The following KLRC2 variants were observed in gnomAD, a reference collection of about 807,000 sequenced individuals.
The protein encoded by KLRC2 is NKG2-C type II integral membrane protein.
In KLRC2, 10 loss-of-function variants were observed where a neutral mutation model predicts 25.5. The ratio of observed to expected loss-of-function variants is 0.39; its 90% CI spans 0.24 to 0.67. KLRC2 has a LOEUF of 0.67. KLRC2 is among the 30% of genes least tolerant of loss of function. The pLI is 0.45. For missense variants in KLRC2, 170 were observed against 272.8 expected (o/e 0.62, Z 2.65); for synonymous variants, 48 against 93.3 (o/e 0.51, Z 2.80).
chr12:10,435,569 A>G lies in KLRC2; in HGVS notation c.188-159T>C, dbSNP rs553822667. ...CATCTACTCTAGTAATCTTTCTCTC[A>G]GAATATACCATTTCATTTTCAGTAA... On this transcript the variant is annotated intron_variant, in intron 1 of 5. Coordinates refer to ENST00000381902, the MANE Select transcript of KLRC2 (RefSeq NM_002260.4). Among the ~76,000 whole-genome samples the G allele has an allele frequency of 1.9e-4, 27 of 145,402 alleles. No homozygotes were observed. The South Asian group carries it at 5.8e-3, about 31-fold the overall frequency.
intron 4 of KLRC2, 51 bp downstream of exon 4, chr12:10,433,740 T>C: frequency 1.3e-6 from 2 of 1,490,516 alleles, no homozygotes; most frequent in Non-Finnish European, 1.8e-6. Context: ...ACAAATGTAT[T>C]ATTCACTGAA....
At chr12:10,434,293 T>C (rs1244698499) in intron 3 of KLRC2, 193 bp downstream of exon 3, 1 of 587,670 alleles carries the variant, frequency 1.7e-6, no homozygotes, top group Non-Finnish European at 3.2e-6. Context: ...AGAAAGAGGG[T>C]AGAATGATTT....
In KLRC2 at chr12:10,434,997, T is replaced by C. The variant is rs1863854894; in HGVS notation, c.286+315A>G. On this transcript the variant is annotated intron_variant, in intron 2 of 5. Coordinates refer to ENST00000381902, the MANE Select transcript of KLRC2 (RefSeq NM_002260.4). ...GAACTTTGAAAATAAAAATGTACTT[T>C]TCTGGGTTCTTGTATTTGGGGAAGA... is the stretch of plus-strand genomic sequence containing the variant. 7.1e-6 allele frequency: 7 copies of C among 991,358 alleles called. 1 individual carries two copies. Among genetic ancestry groups the C allele is most frequent in the Non-Finnish European group, 9.6e-6 (7 of 732,074 alleles). 61.4% of individuals were successfully genotyped at this position (991,358 alleles called of 1,614,324 possible). A position where few individuals can be genotyped will look rare whatever the true frequency, so the allele number is the denominator to read the frequency against.
Position 10,430,713 on chromosome 12 carries a change from C to A in KLRC2, c.*404G>T. The A allele has an allele frequency of 6.3e-6, 1 of 159,884 alleles. No homozygotes were observed. The highest frequency in any genetic ancestry group is 1.3e-5 in the Non-Finnish European group (1 of 75,448). The allele number at this position is 159,884 out of a possible 1,614,324, so 9.9% of individuals were successfully genotyped here. A position where few individuals can be genotyped will look rare whatever the true frequency, so the allele number is the denominator to read the frequency against. Reference sequence around the variant, plus strand: ...TATATTCGCAGAGTTACAACCATCACCACTACTGAAATTTAGAAAGTTTTC... The same window carrying A: ...TATATTCGCAGAGTTACAACCATCAACACTACTGAAATTTAGAAAGTTTTC... On this transcript the variant is annotated 3_prime_UTR_variant, in exon 6 of 6. Coordinates refer to ENST00000381902, the MANE Select transcript of KLRC2 (RefSeq NM_002260.4).
Position 10,433,834 on chromosome 12 carries a change from G to A in KLRC2, c.440C>T (p.Ser147Leu), listed in dbSNP as rs562207630. 9 of 1,549,888 alleles carry A rather than the reference G, an allele frequency of 5.8e-6. 2 individuals are homozygous for A. The East Asian group carries it at 7.1e-5, about 12-fold the overall frequency. Reference protein sequence around the residue: ...TWEESLLACTSKNSSLLSIDN... With the variant: ...TWEESLLACTLKNSSLLSIDN... The stretch of plus-strand genomic sequence containing the variant: ...TATAGAAAGCAGACTGGAGTTCTTC[G>A]AAGTACAGGCCAGCAAACTCTCTTC... Residue 147 changes from serine (S) to leucine (L), a missense_variant, in exon 4 of 6, where the codon TCG becomes TTG. By Grantham distance (145) the Ser-to-Leu change is moderately radical. Around this residue, in one of 3 missense-constraint regions of KLRC2, gnomAD observed 129 missense variants for 150.2 expected, o/e 0.86. Transcript: ENST00000381902.
At chr12:10,432,670 G>A (rs1283229021) in intron 4 of KLRC2, among the ~76,000 whole-genome samples, 1 of 136,114 alleles carries the variant, frequency 7.3e-6, no homozygotes, top group African/African-American at 2.8e-5. Context: ...CGGTTTTTGC[G>A]GAATAACAGG....
chr12:10,433,402 G>A (rs1465520428), intron 4 of KLRC2, among the ~76,000 whole-genome samples: 1 of 141,370 alleles, frequency 7.1e-6, no homozygotes, highest in Non-Finnish European at 1.5e-5. Context: ...AGAGGAGTCA[G>A]GATAAGTGAT....
In KLRC2 at chr12:10,432,195, G is replaced by A. The variant is rs1219526789; in HGVS notation, c.495C>T (p.Ala165=). Reference sequence around the variant, plus strand: ...CAATCCATGAGGAAGGTAAAATGCTGGCCAGAAATTTCTAAAAGAAAAGAA... The same window carrying A: ...CAATCCATGAGGAAGGTAAAATGCTAGCCAGAAATTTCTAAAAGAAAAGAA... ...IDNEEEMKFL[A]SILPSSWIGV... is the part of the protein sequence containing the mutation. Residue 165 remains alanine, a synonymous_variant, in exon 5 of 6, where the codon GCC becomes GCT. Coordinates refer to ENST00000381902, the MANE Select transcript of KLRC2 (RefSeq NM_002260.4). 3 of 1,428,576 alleles carry A rather than the reference G, an allele frequency of 2.1e-6. No homozygotes were observed. Among genetic ancestry groups the A allele is most frequent in the Non-Finnish European group, 2.8e-6 (3 of 1,057,508 alleles). 88.5% of individuals were successfully genotyped at this position (1,428,576 alleles called of 1,614,324 possible).
At chr12:10,434,419 AC>A in intron 3 of KLRC2, 66 bp downstream of exon 3, 2 of 1,348,800 alleles carry the variant, frequency 1.5e-6, no homozygotes, top group Non-Finnish European at 2.1e-6. Flanking sequence ...CTATTCTTTT[AC>A]ATGCCTTAAA....
rs1348402200 is a variant in KLRC2, at chr12:10,431,693, C to T, written c.584+413G>A. 4.2e-5 allele frequency among the ~76,000 whole-genome samples: 6 copies of T among 142,144 alleles called. 1 individual carries two copies. Among genetic ancestry groups the T allele is most frequent in the East Asian group, 4.2e-4 (2 of 4,776 alleles). 93.3% of individuals were successfully genotyped at this position (142,144 alleles called of 152,430 possible). A position where few individuals can be genotyped will look rare whatever the true frequency, so the allele number is the denominator to read the frequency against. On this transcript the variant is annotated intron_variant, in intron 5 of 5. Coordinates refer to ENST00000381902, the MANE Select transcript of KLRC2 (RefSeq NM_002260.4). ...TAGTCCAGCTCGAGGTTGTCCAACT[C>T]GCTGCCCATGGGCCGCACGTGACCC...
intron 5 of KLRC2, 79 bp downstream of exon 5, chr12:10,432,027 A>C: frequency 1.8e-6 from 2 of 1,125,316 alleles, no homozygotes; most frequent in Admixed American, 4.9e-5. Flanking sequence ...CAATGATTCC[A>C]CATAAATTTA....
Position 10,431,957 on chromosome 12 carries a change from T to C in KLRC2, c.584+149A>G, listed in dbSNP as rs1591606112. 49 of 729,342 alleles carry C rather than the reference T, an allele frequency of 6.7e-5. 3 individuals are homozygous for C. The Middle Eastern group carries it at 1.8e-3, about 27-fold the overall frequency. 45.2% of individuals were successfully genotyped at this position (729,342 alleles called of 1,614,324 possible). A position where few individuals can be genotyped will look rare whatever the true frequency, so the allele number is the denominator to read the frequency against. On this transcript the variant is annotated intron_variant, in intron 5 of 5. Coordinates refer to ENST00000381902, the MANE Select transcript of KLRC2 (RefSeq NM_002260.4). ...AGCGGTTGAAATATATGGACTACTA[T>C]GGTCTATTGTAAAATATTTATATCA... is the stretch of plus-strand genomic sequence containing the variant.
chr12:10,431,151 G>C lies in KLRC2; in HGVS notation c.662C>G (p.Ser221Cys), dbSNP rs375212295. 4 of 1,544,888 alleles carry C rather than the reference G, an allele frequency of 2.6e-6. No homozygotes were observed. The highest frequency in any genetic ancestry group is 2.7e-6 in the Non-Finnish European group (3 of 1,131,602). The change falls in exon 6 of 6, where the codon TCT (serine) becomes TGT (cysteine). Residue 221 changes from serine (S) to cysteine (C), a missense_variant. Physicochemically the swap from Ser to Cys is moderately radical, Grantham distance 112. This residue lies in a region of KLRC2 where 129 missense variants were observed against 150.2 expected (regional missense o/e 0.86). Transcript: ENST00000381902. ...VNRLKSAQCG[S>C]SMIYHCKHKL ...ATGCTTACAATGATATATCATTGAA[G>C]ATCCACACTGGGCTGATTTAAGTCG...
intron 3 of KLRC2, chr12:10,434,147 A>G: frequency 1.1e-6 from 1 of 898,848 alleles, no homozygotes; most frequent in Non-Finnish European, 1.7e-6. Flanking sequence ...TTGTGTTCCC[A>G]TATAAAGCAA....
Position 10,434,091 on chromosome 12 carries a change from C to T in KLRC2, c.332-149G>A, listed in dbSNP as rs1214643310. The T allele has an allele frequency of 3.3e-6, 4 of 1,213,086 alleles. No individual in the cohort carries two copies. In the Admixed American group the frequency reaches 7.5e-5, roughly 23 times the overall value. 75.1% of individuals were successfully genotyped at this position (1,213,086 alleles called of 1,614,324 possible). A position where few individuals can be genotyped will look rare whatever the true frequency, so the allele number is the denominator to read the frequency against. ...AAATGTATATTTTTAATAACTGAGTCAGTCATACACACATGCACAGACAAG... is the reference window on the plus strand; with the variant it reads ...AAATGTATATTTTTAATAACTGAGTTAGTCATACACACATGCACAGACAAG... On this transcript the variant is annotated intron_variant, in intron 3 of 5. Transcript: ENST00000381902.
intron 3 of KLRC2, 29 bp from the exon 4 acceptor site, chr12:10,433,971 C>T (rs1310524329): frequency 1.3e-6 from 2 of 1,526,744 alleles, no homozygotes; most frequent in African/African-American, 3.0e-5. Flanking sequence ...ACTATCTAGA[C>T]CAATATGAAT....
At chr12:10,433,484 A>G (rs1409471671) in intron 4 of KLRC2, among the ~76,000 whole-genome samples, 1 of 142,148 alleles carries the variant, frequency 7.0e-6, no homozygotes, top group Non-Finnish European at 1.5e-5. Flanking sequence ...TATCACATGC[A>G]TTCATTCACT....
chr12:10,434,834 TTGTG>T (rs1389541603), intron 2 of KLRC2, among the ~76,000 whole-genome samples: 20 of 151,670 alleles, frequency 1.3e-4, no homozygotes, highest in South Asian at 8.3e-4. Flanking sequence ...GAAAATATCT[TTGTG>T]TGTGTATGTA....
rs572590897 is a variant in KLRC2, at chr12:10,432,103, T to C, written c.584+3A>G. 6.6e-7 allele frequency: 1 copy of C among 1,526,176 alleles called. No homozygotes were observed. The highest frequency in any genetic ancestry group is 2.4e-5 in the East Asian group (1 of 41,638). The allele number at this position is 1,526,176 out of a possible 1,614,324, so 94.5% of individuals were successfully genotyped here. On this transcript the variant is annotated splice_donor_region_variant and intron_variant, in intron 5 of 5. Coordinates refer to ENST00000381902, the MANE Select transcript of KLRC2 (RefSeq NM_002260.4). Reference sequence around the variant, plus strand: ...TTATATAGCGCCATACAAAAGAACTTACTTATGTTTGAAAGCCAAACCATT... The same window carrying C: ...TTATATAGCGCCATACAAAAGAACTCACTTATGTTTGAAAGCCAAACCATT...
Sources: allele counts gnomAD v4.1 joint callset (sites outside exome capture counted in the v4.1 genomes callset), GRCh38; gene constraint gnomAD v4.1.1; regional missense constraint gnomAD v4.1.1; transcripts MANE v1.5; gene names NCBI Gene and HGNC (gene_info 2026-07-23, HGNC 2026-07-21).